Variants in WDR7 observed in about 807,000 individuals in gnomAD.
WDR7 encodes the protein WD repeat-containing protein 7.
WDR7 carries 46 observed loss-of-function variants against 169.4 expected under a neutral mutation model. That is an observed-to-expected ratio of 0.27 (90% CI 0.21 to 0.35). The LOEUF (loss-of-function observed/expected upper bound fraction) is 0.35. Among genes scored for constraint, WDR7 ranks in the 10% least tolerant of loss-of-function variants. The pLI is 1.00. For synonymous variants in WDR7, 612 were observed against 666.8 expected (o/e 0.92, Z 1.27); for missense variants, 1,534 against 1,859.3 (o/e 0.83, Z 3.22).
intron 20 of WDR7, among the ~76,000 whole-genome samples, chr18:56,819,332 A>AT (rs2045041796): frequency 6.6e-6 from 1 of 152,174 alleles, no homozygotes; most frequent in African/African-American, 2.4e-5. Context: ...TTGGGTCTTG[A>AT]TTGATACAAT....
rs538939711 is a variant in WDR7, at chr18:57,022,776, G to A, written c.4269+1927G>A. 5.9e-5 allele frequency among the ~76,000 whole-genome samples: 9 copies of A among 152,292 alleles called. No homozygotes were observed. The South Asian group carries it at 1.7e-3, about 28-fold the overall frequency. On this transcript the variant is annotated intron_variant, in intron 27 of 27. Transcript: ENST00000254442. Reference sequence around the variant, plus strand: ...TCCTTTTCACTTAGAGACCAAGCTCGTTTATTAGATGGCTTCCTTTTCAGG... The same window carrying A: ...TCCTTTTCACTTAGAGACCAAGCTCATTTATTAGATGGCTTCCTTTTCAGG...
chr18:56,762,426 C>A (rs1301408307), intron 16 of WDR7, among the ~76,000 whole-genome samples: 1 of 151,808 alleles, frequency 6.6e-6, no homozygotes, highest in East Asian at 1.9e-4. Flanking sequence ...TCTTTGTAGG[C>A]AGTTTTTAAT....
chr18:56,718,093 C>G lies in WDR7; in HGVS notation c.1708C>G (p.Pro570Ala). 2 of 1,614,102 alleles carry G rather than the reference C, an allele frequency of 1.2e-6. No homozygotes were observed. Among genetic ancestry groups the G allele is most frequent in the South Asian group, 2.2e-5 (2 of 91,080 alleles). Residue 570 changes from proline to alanine, a missense_variant, in exon 13 of 28, where the codon CCT (proline) becomes GCT (alanine). Transcript: ENST00000254442. ...LFPIQVIKWRPSDDYLVVGCS... is the reference protein window; with the variant it reads ...LFPIQVIKWRASDDYLVVGCS... ...TCCTATTCAAGTAATCAAATGGAGG[C>G]CTTCTGATGATTACCTGGTGGTGGG...
At chr18:56,758,469 T>G (rs1158874014) in intron 15 of WDR7, among the ~76,000 whole-genome samples, 2 of 152,232 alleles carry the variant, frequency 1.3e-5, no homozygotes, top group Non-Finnish European at 2.9e-5. Flanking sequence ...CAAGATTTCT[T>G]AATGCCTGAA....
intron 14 of WDR7, among the ~76,000 whole-genome samples, chr18:56,744,245 G>GAA (rs58110613): frequency 9.0e-4 from 78 of 86,744 alleles, no homozygotes; most frequent in African/African-American, 1.6e-3. Flanking sequence ...TCTCAAAAAA[G>GAA]AAAAAAAAAA....
At chr18:56,675,569 C>T (rs1054826445) in intron 2 of WDR7, among the ~76,000 whole-genome samples, 4 of 151,332 alleles carry the variant, frequency 2.6e-5, no homozygotes, top group African/African-American at 4.9e-5. Context: ...TATCTTACAA[C>T]CTTATTGGAC....
intron 12 of WDR7, among the ~76,000 whole-genome samples, chr18:56,712,855 T>A (rs1006352919): frequency 6.6e-5 from 10 of 152,180 alleles, no homozygotes; most frequent in African/African-American, 2.2e-4. Context: ...GAACTTTTAC[T>A]TACTTATTTT....
intron 5 of WDR7, among the ~76,000 whole-genome samples, chr18:56,685,472 A>T (rs2025425667): frequency 6.6e-6 from 1 of 152,094 alleles, no homozygotes; most frequent in African/African-American, 2.4e-5. Context: ...CCTTACCTGA[A>T]GCTTAGGAAC....
chr18:56,727,842 T>C (rs757596020), intron 13 of WDR7, among the ~76,000 whole-genome samples: 7 of 152,212 alleles, frequency 4.6e-5, no homozygotes, highest in Non-Finnish European at 7.3e-5. Context: ...TTACCATTGA[T>C]ATGTTACAAC....
Position 56,696,473 on chromosome 18 carries a change from T to G in WDR7, c.1578+11T>G. ...CCTGAAAACTGTAGTGTAAGTTGAT[T>G]TATATAAAAGATTATTTCACTATGG... is the stretch of plus-strand genomic sequence containing the variant. On this transcript the variant is annotated intron_variant, in intron 12 of 27. Coordinates refer to ENST00000254442, the MANE Select transcript of WDR7 (RefSeq NM_015285.3). 1 of 1,599,258 alleles carries G rather than the reference T, an allele frequency of 6.3e-7. No homozygotes were observed. The highest frequency in any genetic ancestry group is 8.5e-7 in the Non-Finnish European group (1 of 1,171,980).
intron 1 of WDR7, among the ~76,000 whole-genome samples, chr18:56,661,853 C>G (rs2024910609): frequency 1.3e-5 from 2 of 152,110 alleles, no homozygotes; most frequent in African/African-American, 4.8e-5. Context: ...TCCAAGTCTT[C>G]AATTGATTGG....
chr18:56,796,614 G>A (rs1205709775), intron 19 of WDR7, among the ~76,000 whole-genome samples: 5 of 152,244 alleles, frequency 3.3e-5, no homozygotes, highest in South Asian at 4.1e-4. Flanking sequence ...AAAATGAGGT[G>A]TCACTATCTA....
At chr18:56,816,277 T>G (rs535091613) in intron 20 of WDR7, 133 bp downstream of exon 20, 8 of 708,486 alleles carry the variant, frequency 1.1e-5, no homozygotes, top group Middle Eastern at 2.5e-4. Context: ...TATTTAGTTT[T>G]ATGAAACTGT....
intron 20 of WDR7, among the ~76,000 whole-genome samples, chr18:56,852,007 C>T (rs1487281130): frequency 6.6e-6 from 1 of 152,104 alleles, no homozygotes; most frequent in African/African-American, 2.4e-5. Context: ...GAAAATGACC[C>T]TCTGGCTTCA....
intron 23 of WDR7, among the ~76,000 whole-genome samples, chr18:56,936,412 G>A (rs2046961438): frequency 6.6e-6 from 1 of 152,142 alleles, no homozygotes; most frequent in Non-Finnish European, 1.5e-5. Flanking sequence ...CATCTAACTG[G>A]AAAACTAGTA....
chr18:56,827,683 T>C (rs936460575), intron 20 of WDR7, among the ~76,000 whole-genome samples: 7 of 152,132 alleles, frequency 4.6e-5, no homozygotes, highest in Non-Finnish European at 8.8e-5. Flanking sequence ...TAGTTGTACA[T>C]TTAAAGATAA....
chr18:56,993,048 A>G (rs1415280022), intron 26 of WDR7, among the ~76,000 whole-genome samples: 3 of 152,186 alleles, frequency 2.0e-5, no homozygotes, highest in Admixed American at 1.3e-4. Context: ...CCAAAGCTCT[A>G]TTGCTGGTAA....
chr18:57,003,770 C>T (rs1028253527), intron 26 of WDR7, among the ~76,000 whole-genome samples: 2 of 151,976 alleles, frequency 1.3e-5, no homozygotes, highest in African/African-American at 4.8e-5. Flanking sequence ...TCACGGGGCC[C>T]TTTATGGTCT....
intron 20 of WDR7, among the ~76,000 whole-genome samples, chr18:56,878,293 G>T (rs1378221528): frequency 6.6e-6 from 1 of 152,156 alleles, no homozygotes; most frequent in African/African-American, 2.4e-5. Context: ...TCTGATTGCT[G>T]TTTTGCATTC....
Sources: allele counts gnomAD v4.1 joint callset (sites outside exome capture counted in the v4.1 genomes callset), GRCh38; gene constraint gnomAD v4.1.1; transcripts MANE v1.5; gene names NCBI Gene and HGNC (gene_info 2026-07-23, HGNC 2026-07-21).